The following BMP8B variants were observed in gnomAD, a reference collection of about 807,000 sequenced individuals.
The protein encoded by BMP8B is bone morphogenetic protein 8 (osteogenic protein 2).
BMP8B carries 17 observed loss-of-function variants against 30.3 expected under a neutral mutation model. That is an observed-to-expected ratio of 0.56 (90% CI 0.38 to 0.84). The LOEUF (loss-of-function observed/expected upper bound fraction) is 0.84, where lower values mean the gene tolerates loss of function less well. BMP8B is among the 40% of genes least tolerant of loss of function. BMP8B has a pLI of 0.00. For missense variants in BMP8B, 253 were observed against 494.6 expected, an observed-to-expected ratio of 0.51 and a Z score of 4.63; for synonymous variants, 131 against 214.7, an observed-to-expected ratio of 0.61 and a Z score of 3.41.
intron 6 of BMP8B, chr1:39,762,510 C>CT: frequency 6.5e-7 from 1 of 1,549,052 alleles, no homozygotes; most frequent in Non-Finnish European, 8.7e-7. Flanking sequence ...TGCTTTTGTC[C>CT]TTTAAGGTTG....
At chr1:39,768,406 G>T (rs2124449955) in intron 3 of BMP8B, among the ~76,000 whole-genome samples, 1 of 137,640 alleles carries the variant, frequency 7.3e-6, no homozygotes, top group Non-Finnish European at 1.6e-5. Context: ...CCATCACCCG[G>T]TCCCTTCCCT....
intron 6 of BMP8B, among the ~76,000 whole-genome samples, chr1:39,762,813 G>A (rs1488119387): frequency 6.6e-6 from 1 of 152,266 alleles, no homozygotes; most frequent in Non-Finnish European, 1.5e-5. Context: ...ACACAGGTGC[G>A]TAAGTGTCCC....
chr1:39,763,872 C>T lies in BMP8B; in HGVS notation c.869-81G>A, dbSNP rs1164043304. 1.1e-5 allele frequency: 16 copies of T among 1,449,620 alleles called. 1 individual carries two copies. The highest frequency in any genetic ancestry group is 2.1e-4 in the Middle Eastern group (1 of 4,830). 89.8% of individuals were successfully genotyped at this position (1,449,620 alleles called of 1,614,324 possible). A position where few individuals can be genotyped will look rare whatever the true frequency, so the allele number is the denominator to read the frequency against. On this transcript the variant is annotated intron_variant, in intron 4 of 6. Coordinates refer to ENST00000372827, the MANE Select transcript of BMP8B (RefSeq NM_001720.5). ...TATGGGGTACCAGGGTGGGGGATGC[C>T]CTGATGAGCACATTTGTCAAATAAA...
At position 39,788,208 on chromosome 1, in the gene BMP8B, G is replaced by A. The variant is rs1361480514; in HGVS notation, c.278C>T (p.Ala93Val). The change falls in exon 1 of 7, where the codon GCG (alanine) becomes GTG (valine). Residue 93 changes from alanine to valine, a missense_variant. Ala to Val is a moderately conservative substitution (Grantham distance 64). This residue lies in a region of BMP8B where 52 missense variants were observed against 68.3 expected (regional missense o/e 0.76). Transcript: ENST00000372827. This position sits in a 1 kb window ranked among gnomAD's most constrained non-coding sequence, Gnocchi z 5.8. ...GCGGCCCAGGCGCCGCTCCGCGGGC[G>A]CGCCGTCCTCGTCGTCGTCGCCGGC... is the stretch of plus-strand genomic sequence containing the variant. ...AMAGDDDEDG[A>V]PAERRLGRAD... is the part of the protein sequence containing the mutation. 5 of 1,573,858 alleles carry A rather than the reference G, an allele frequency of 3.2e-6. No homozygotes were observed. The African/African-American group carries it at 5.6e-5, about 17-fold the overall frequency.
intron 3 of BMP8B, among the ~76,000 whole-genome samples, chr1:39,767,082 G>A (rs1157291993): frequency 2.6e-5 from 4 of 152,080 alleles, no homozygotes; most frequent in African/African-American, 9.6e-5. Context: ...TGTGTTCAAG[G>A]GTCTTATGGG....
rs977236828 is a variant in BMP8B, at chr1:39,788,555, G to T, written c.-70C>A. On this transcript the variant is annotated 5_prime_UTR_variant, in exon 1 of 7. Coordinates refer to ENST00000372827, the MANE Select transcript of BMP8B (RefSeq NM_001720.5). The surrounding 1 kb of genome is among the most constrained non-coding windows in gnomAD (Gnocchi z 5.8). ...CGGCTCCGCGGCCGACCCAGGGCCT[G>T]GGGACGCCCCGACGGCAAGGAGGCT... is the stretch of plus-strand genomic sequence containing the variant. 1 of 993,598 alleles carries T rather than the reference G, an allele frequency of 1.0e-6. No individual in the cohort carries two copies. Among genetic ancestry groups the T allele is most frequent in the Admixed American group, 6.1e-5 (1 of 16,384 alleles). 61.5% of individuals were successfully genotyped at this position (993,598 alleles called of 1,614,324 possible).
At position 39,779,564 on chromosome 1, in the gene BMP8B, C is replaced by T. The variant is rs750302713; in HGVS notation, c.335-4526G>A. Among the ~76,000 whole-genome samples the T allele has an allele frequency of 5.3e-5, 8 of 152,310 alleles. No individual in the cohort carries two copies. In the Middle Eastern group the frequency reaches 0.014, roughly 259 times the overall value. On this transcript the variant is annotated intron_variant, in intron 1 of 6. Transcript: ENST00000372827. ...CAATGCAGGACAGGTGCTTCAGTGA[C>T]GGTCGCAGTCACATACAGGGCTTTG...
chr1:39,779,403 G>A (rs1052014850), intron 1 of BMP8B, among the ~76,000 whole-genome samples: 1 of 152,222 alleles, frequency 6.6e-6, no homozygotes, highest in African/African-American at 2.4e-5. Flanking sequence ...GCACCATGGG[G>A]GGTGCCAGGA....
Position 39,764,660 on chromosome 1 carries a change from G to A in BMP8B, c.831C>T (p.Asn277=), listed in dbSNP as rs377450201. Residue 277 remains asparagine (N), a synonymous_variant, in exon 4 of 7, where the codon AAC becomes AAT. Transcript: ENST00000372827. The part of the protein sequence containing the change: ...PLRRRQPKKS[N]ELPQANRLPG... Reference sequence around the variant, plus strand: ...GGAGTCGGTTGGCCTGCGGCAGCTCGTTGCTTTTCTTCGGCTGCCTCCTCC... The same window carrying A: ...GGAGTCGGTTGGCCTGCGGCAGCTCATTGCTTTTCTTCGGCTGCCTCCTCC... The A allele has an allele frequency of 3.7e-5, 60 of 1,613,320 alleles. 1 individual carries two copies. Among genetic ancestry groups the A allele is most frequent in the South Asian group, 3.2e-4 (29 of 91,052 alleles).
chr1:39,776,789 T>C (rs562721577), intron 1 of BMP8B, among the ~76,000 whole-genome samples: 2 of 152,384 alleles, frequency 1.3e-5, no homozygotes, highest in African/African-American at 4.8e-5. Context: ...ATGTTTAATT[T>C]AGAAATAAAT....
chr1:39,780,049 C>T (rs1650519987), intron 1 of BMP8B, among the ~76,000 whole-genome samples: 1 of 152,180 alleles, frequency 6.6e-6, no homozygotes, highest in Non-Finnish European at 1.5e-5. Flanking sequence ...TAGGGCTGCT[C>T]ACCTCATGGC....
rs1016044882 is a variant in BMP8B at position 39,758,222 on chromosome 1, A to G, written c.*2197T>C. The G allele has an allele frequency of 6.6e-6, 1 of 152,246 alleles. No homozygotes were observed. The highest frequency in any genetic ancestry group is 6.5e-5 in the Admixed American group (1 of 15,288). 9.4% of individuals were successfully genotyped at this position (152,246 alleles called of 1,614,324 possible). On this transcript the variant is annotated 3_prime_UTR_variant, in exon 7 of 7. Coordinates refer to ENST00000372827, the MANE Select transcript of BMP8B (RefSeq NM_001720.5). ...CAATTAAGTAAATACTAGGATGGCA[A>G]ACAGGTTCCATAATTTCATTTTGTT...
chr1:39,760,590 G>A, intron 6 of BMP8B, 22 bp from the exon 7 acceptor site: 2 of 1,610,742 alleles, frequency 1.2e-6, no homozygotes, highest in Non-Finnish European at 1.7e-6. Flanking sequence ...GAGGGCACAG[G>A]CAGGGGCATG....
At chr1:39,768,170 G>A (rs2124449420) in intron 3 of BMP8B, among the ~76,000 whole-genome samples, 2 of 151,170 alleles carry the variant, frequency 1.3e-5, no homozygotes, top group Admixed American at 6.6e-5. Flanking sequence ...GGGTTACAAC[G>A]GACCATCACA....
In BMP8B at chr1:39,759,124, C is replaced by T. The variant is rs904414402; in HGVS notation, c.*1295G>A. ...GCAAGTCAGAAATCAAATAAACACTCCAACTCCCAGTGGCTGCTCCAAGGA... is the reference window on the plus strand; with the variant it reads ...GCAAGTCAGAAATCAAATAAACACTTCAACTCCCAGTGGCTGCTCCAAGGA... On this transcript the variant is annotated 3_prime_UTR_variant, in exon 7 of 7. Transcript: ENST00000372827. 5.3e-5 allele frequency: 8 copies of T among 152,294 alleles called. No individual in the cohort carries two copies. The highest frequency in any genetic ancestry group is 1.9e-4 in the African/African-American group (8 of 41,462). 9.4% of individuals were successfully genotyped at this position (152,294 alleles called of 1,614,324 possible).
rs559868170 is a variant in BMP8B at position 39,760,166 on chromosome 1, G to A, written c.*253C>T. The A allele has an allele frequency of 1.1e-4, 68 of 608,256 alleles. No homozygotes were observed. Among genetic ancestry groups the A allele is most frequent in the Non-Finnish European group, 1.5e-4 (55 of 362,884 alleles). 37.7% of individuals were successfully genotyped at this position (608,256 alleles called of 1,614,324 possible). A position where few individuals can be genotyped will look rare whatever the true frequency, so the allele number is the denominator to read the frequency against. On this transcript the variant is annotated 3_prime_UTR_variant, in exon 7 of 7. Transcript: ENST00000372827. ...GCCAGGACATGCCTCCGGGAGAGGC[G>A]TTTGCATTTGGGTAGAACACTGCCT... is the stretch of plus-strand genomic sequence containing the variant.
At chr1:39,786,452 G>A (rs1810492) in intron 1 of BMP8B, among the ~76,000 whole-genome samples, 5 of 152,268 alleles carry the variant, frequency 3.3e-5, no homozygotes, top group African/African-American at 1.2e-4. Flanking sequence ...AAGGAGCAAC[G>A]AAGGCTGAGA....
At chr1:39,768,848 G>A (rs1482925845) in intron 3 of BMP8B, among the ~76,000 whole-genome samples, 4 of 150,370 alleles carry the variant, frequency 2.7e-5, no homozygotes, top group Admixed American at 6.6e-5. Flanking sequence ...GTAACAGAGC[G>A]AGATTCTGTC....
chr1:39,782,114 G>A (rs1650676590), intron 1 of BMP8B, among the ~76,000 whole-genome samples: 1 of 147,882 alleles, frequency 6.8e-6, no homozygotes, highest in African/African-American at 2.5e-5. Context: ...TCGCACCATT[G>A]CACTCCAGCA....
Sources: gnomAD v4.1 joint callset for allele counts (sites outside exome capture counted in the v4.1 genomes callset) on GRCh38, gnomAD v4.1.1 for gene constraint, gnomAD v4.1.1 regional missense constraint, Gnocchi (gnomAD v3.1) non-coding constraint, MANE v1.5 for transcripts, NCBI Gene and HGNC (gene_info 2026-07-23, HGNC 2026-07-21) for gene names.